The following ZNF548 variants were observed in gnomAD, a reference collection of about 807,000 sequenced individuals.
The protein encoded by ZNF548 is zinc finger protein 548.
ZNF548 carries 10 observed loss-of-function variants against 10.2 expected under a neutral mutation model. The observed-to-expected ratio is 0.98, with a 90% CI of 0.60 to 1.66. ZNF548 has a LOEUF of 1.66. Ranked by LOEUF, ZNF548 falls within the 40% of genes most tolerant of loss-of-function variation. The pLI is 0.00. For missense variants in ZNF548, 599 were observed against 657.0 expected (o/e 0.91, Z 0.97); for synonymous variants, 217 against 223.5 (o/e 0.97, Z 0.26).
In ZNF548 at chr19:57,395,116, G is replaced by A. The variant is rs1045595270; in HGVS notation, c.51+893G>A. ...GTGACAGCATCTCTAGGTTATGGTGGCAGTGCTGTTCGAAGACAGAGAATT... is the reference window on the plus strand; with the variant it reads ...GTGACAGCATCTCTAGGTTATGGTGACAGTGCTGTTCGAAGACAGAGAATT... On this transcript the variant is annotated intron_variant, in intron 2 of 3. Transcript: ENST00000336128. This position sits in a 1 kb window ranked among gnomAD's most constrained non-coding sequence, Gnocchi z 4.8. Among the ~76,000 whole-genome samples the A allele has an allele frequency of 1.3e-4, 20 of 151,968 alleles. No homozygotes were observed. The highest frequency in any genetic ancestry group is 1.7e-4 in the African/African-American group (7 of 41,262).
At chr19:57,390,465 T>A (rs528797537) in intron 1 of ZNF548, 10 of 250,660 alleles carry the variant, frequency 4.0e-5, no homozygotes, top group Non-Finnish European at 7.6e-5. Flanking sequence ...AGTTCGAAGT[T>A]TCAAGTTAGG....
In ZNF548 at chr19:57,399,570, A is replaced by T. The variant is rs747592434; in HGVS notation, c.1319A>T (p.Lys440Ile). The stretch of plus-strand genomic sequence containing the variant: ...CCTTATGAGTGCAGCGAATGCGGGA[A>T]ATTCTTTCGTTACAACTCCAACCTC... ...ERPYECSECG[K>I]FFRYNSNLIK... Residue 440 changes from lysine to isoleucine, a missense_variant, in exon 4 of 4, where the codon AAA (lysine) becomes ATA (isoleucine). Lys to Ile is a moderately radical substitution (Grantham distance 102, BLOSUM62 -3). Transcript: ENST00000336128. The surrounding 1 kb of genome is among the most constrained non-coding windows in gnomAD (Gnocchi z 4.0). 1.2e-5 allele frequency: 20 copies of T among 1,614,174 alleles called. No homozygotes were observed. Among genetic ancestry groups the T allele is most frequent in the Non-Finnish European group, 1.7e-5 (20 of 1,180,034 alleles).
At chr19:57,394,280 G>C in intron 2 of ZNF548, 57 bp downstream of exon 2, 2 of 1,547,946 alleles carry the variant, frequency 1.3e-6, no homozygotes, top group Non-Finnish European at 8.7e-7. Flanking sequence ...GATGGTTTTG[G>C]CAGGTGACAA....
Position 57,402,056 on chromosome 19 carries a change from C to A in ZNF548, c.*2167C>A, listed in dbSNP as rs1163345548. ...GCACTGTGCCTGGCTACATTTAGAT[C>A]TTTAATCTACTTGGGGTTCATTTTT... On this transcript the variant is annotated 3_prime_UTR_variant, in exon 4 of 4. Transcript: ENST00000336128. 2 of 152,072 alleles carry A rather than the reference C, an allele frequency of 1.3e-5. No individual in the cohort carries two copies. Among genetic ancestry groups the A allele is most frequent in the Non-Finnish European group, 2.9e-5 (2 of 68,008 alleles). 9.4% of individuals were successfully genotyped at this position (152,072 alleles called of 1,614,324 possible). A position where few individuals can be genotyped will look rare whatever the true frequency, so the allele number is the denominator to read the frequency against.
Position 57,389,896 on chromosome 19 carries a change from T to G in ZNF548, c.-204T>G. 1 of 564,372 alleles carries G rather than the reference T, an allele frequency of 1.8e-6. No homozygotes were observed. 35.0% of individuals were successfully genotyped at this position (564,372 alleles called of 1,614,324 possible). ...CCTGGTGGTGGTCGTTTTGGTTCTG[T>G]GTGGTGTTTCACCAACTTCGGCCTA... On this transcript the variant is annotated 5_prime_UTR_variant, in exon 1 of 4. Transcript: ENST00000336128.
rs1555781019 is a variant in ZNF548, at chr19:57,390,105, C to T, written c.6C>T (p.Asn2=). 2 of 1,608,906 alleles carry T rather than the reference C, an allele frequency of 1.2e-6. No homozygotes were observed. The highest frequency in any genetic ancestry group is 8.5e-7 in the Non-Finnish European group (1 of 1,179,480). Residue 2 remains asparagine, a synonymous_variant, in exon 1 of 4, where the codon AAC becomes AAT. Coordinates refer to ENST00000336128, the MANE Select transcript of ZNF548 (RefSeq NM_001172773.2). ...GGCTGGCGGAGGCCTTGCTGATGAA[C>T]CTGACTGAGGTGGGTGTCCCGTCCC... is the stretch of plus-strand genomic sequence containing the variant. M[N]LTEGPLAMAE...
Position 57,399,704 on chromosome 19 carries a change from G to T in ZNF548, c.1453G>T (p.Gly485Ter). Residue 485 changes from glycine to a stop codon, truncating the protein, a stop_gained, in exon 4 of 4, where the codon GGA becomes TGA. Transcript: ENST00000336128. LOFTEE classifies it low-confidence loss of function (END_TRUNC). This position sits in a 1 kb window ranked among gnomAD's most constrained non-coding sequence, Gnocchi z 4.0. ...TGTTGAGCACCAGAAAATCCACAGT[G>T]GAGAAAGACCTTATGAGTGCAGCGA... ...ILVEHQKIHSGERPYECSECQ... is the reference protein window; with the variant it reads ...ILVEHQKIHS 6.2e-7 allele frequency: 1 copy of T among 1,614,184 alleles called. No homozygotes were observed. Among genetic ancestry groups the T allele is most frequent in the Non-Finnish European group, 8.5e-7 (1 of 1,180,020 alleles).
chr19:57,396,063 G>A (rs1188165522), intron 2 of ZNF548, among the ~76,000 whole-genome samples: 1 of 152,230 alleles, frequency 6.6e-6, no homozygotes, highest in Non-Finnish European at 1.5e-5. Flanking sequence ...TGTGCAGAGT[G>A]GCCTGTTAGG....
At chr19:57,393,961 G>A in intron 1 of ZNF548, 1 of 615,910 alleles carries the variant, frequency 1.6e-6, no homozygotes, top group Non-Finnish European at 2.9e-6. Flanking sequence ...TGAGCCCTGT[G>A]AGGGGGCAGC....
At chr19:57,393,383 G>A (rs780417179) in intron 1 of ZNF548, among the ~76,000 whole-genome samples, 12 of 151,942 alleles carry the variant, frequency 7.9e-5, no homozygotes, top group African/African-American at 2.2e-4. Context: ...AAAGTGAGCC[G>A]GGTGTGGTGG....
Position 57,399,944 on chromosome 19 carries a change from C to T in ZNF548, c.*55C>T. Reference sequence around the variant, plus strand: ...AATTCCACATTTTTATGCAACTAATCTCCAGAACATTTTTCCTCTTACCAA... The same window carrying T: ...AATTCCACATTTTTATGCAACTAATTTCCAGAACATTTTTCCTCTTACCAA... On this transcript the variant is annotated 3_prime_UTR_variant, in exon 4 of 4. Transcript: ENST00000336128. The surrounding 1 kb of genome is among the most constrained non-coding windows in gnomAD (Gnocchi z 4.0). 3 of 1,375,702 alleles carry T rather than the reference C, an allele frequency of 2.2e-6. No individual in the cohort carries two copies. The highest frequency in any genetic ancestry group is 2.9e-6 in the Non-Finnish European group (3 of 1,030,196). The allele number at this position is 1,375,702 out of a possible 1,614,324, so 85.2% of individuals were successfully genotyped here. A position where few individuals can be genotyped will look rare whatever the true frequency, so the allele number is the denominator to read the frequency against.
chr19:57,390,315 C>T (rs957758976), intron 1 of ZNF548: 4 of 514,254 alleles, frequency 7.8e-6, no homozygotes, highest in African/African-American at 1.9e-5. Flanking sequence ...GCCGAGTGGG[C>T]TGTGTTGGGG....
Position 57,399,222 on chromosome 19 carries a change from G to T in ZNF548, c.971G>T (p.Arg324Met), listed in dbSNP as rs1425197104. ...ACCGGAGAAAGGCCGTATGAGTGCA[G>T]GGAATGTGGGAAATTCTTTATGGAC... Reference protein sequence around the residue: ...VHTGERPYECRECGKFFMDSS... With the variant: ...VHTGERPYECMECGKFFMDSS... The change falls in exon 4 of 4, where the codon AGG becomes ATG. Residue 324 changes from arginine (R) to methionine (M), a missense_variant. Physicochemically the swap from Arg to Met is moderately conservative, Grantham distance 91. Coordinates refer to ENST00000336128, the MANE Select transcript of ZNF548 (RefSeq NM_001172773.2). The surrounding 1 kb of genome is among the most constrained non-coding windows in gnomAD (Gnocchi z 4.0). 1 of 1,614,082 alleles carries T rather than the reference G, an allele frequency of 6.2e-7. No individual in the cohort carries two copies. Among genetic ancestry groups the T allele is most frequent in the Non-Finnish European group, 8.5e-7 (1 of 1,180,020 alleles).
At chr19:57,390,205 C>T (rs1350276727) in intron 1 of ZNF548, 91 bp downstream of exon 1, 2 of 1,449,994 alleles carry the variant, frequency 1.4e-6, no homozygotes, top group African/African-American at 2.8e-5. Context: ...CCCCTTGTCC[C>T]GAAGAGAGGG....
In ZNF548 at chr19:57,398,374, G is replaced by A. The variant is rs776116314; in HGVS notation, c.179-56G>A. ...GTGCCTGACACACATTTGTGATGGA[G>A]CTGCTTCCTCCCACCAGAGTCAACA... On this transcript the variant is annotated intron_variant, in intron 3 of 3. Coordinates refer to ENST00000336128, the MANE Select transcript of ZNF548 (RefSeq NM_001172773.2). 13 of 1,584,140 alleles carry A rather than the reference G, an allele frequency of 8.2e-6. No homozygotes were observed. The South Asian group carries it at 1.3e-4, about 16-fold the overall frequency.
chr19:57,396,971 A>G, intron 2 of ZNF548, 77 bp from the exon 3 acceptor site: 2 of 1,520,592 alleles, frequency 1.3e-6, no homozygotes, highest in Middle Eastern at 1.8e-4. Context: ...TGGTAAATAT[A>G]AGTAGAAAAT....
At chr19:57,396,570 T>G (rs1568531917) in intron 2 of ZNF548, among the ~76,000 whole-genome samples, 1 of 152,170 alleles carries the variant, frequency 6.6e-6, no homozygotes, top group African/African-American at 2.4e-5. Context: ...ATGTGAGTGA[T>G]TGATGCTGGG....
Position 57,402,525 on chromosome 19 carries a change from T to A in ZNF548, c.*2636T>A, listed in dbSNP as rs974702179. ...TTCTCTCATTCTTAGCTATAGGTAA[T>A]AAATTGTTCTGATTTTGTGTATCCA... On this transcript the variant is annotated 3_prime_UTR_variant, in exon 4 of 4. Coordinates refer to ENST00000336128, the MANE Select transcript of ZNF548 (RefSeq NM_001172773.2). The A allele has an allele frequency of 3.9e-5, 6 of 152,238 alleles. No individual in the cohort carries two copies. Among genetic ancestry groups the A allele is most frequent in the Non-Finnish European group, 8.8e-5 (6 of 68,048 alleles). The allele number at this position is 152,238 out of a possible 1,614,324, so 9.4% of individuals were successfully genotyped here. A position where few individuals can be genotyped will look rare whatever the true frequency, so the allele number is the denominator to read the frequency against.
chr19:57,390,049 TTG>T lies in ZNF548; in HGVS notation c.-49_-48del. On this transcript the variant is annotated 5_prime_UTR_variant, in exon 1 of 4. Coordinates refer to ENST00000336128, the MANE Select transcript of ZNF548 (RefSeq NM_001172773.2). ...GGACAGTGGCGTCCTTGTCTTGCCT[TTG>T]TCGCTCCCGCCCCGCTCTTCCCTGG... 1 of 1,602,950 alleles carries T rather than the reference TTG, an allele frequency of 6.2e-7. No homozygotes were observed. Among genetic ancestry groups the T allele is most frequent in the South Asian group, 1.1e-5 (1 of 90,526 alleles).
Sources: gnomAD v4.1 joint callset for allele counts (sites outside exome capture counted in the v4.1 genomes callset) on GRCh38, gnomAD v4.1.1 for gene constraint, Gnocchi (gnomAD v3.1) non-coding constraint, MANE v1.5 for transcripts, NCBI Gene and HGNC (gene_info 2026-07-23, HGNC 2026-07-21) for gene names.